The following ERCC6L2 variants were observed in gnomAD, a reference collection of about 807,000 sequenced individuals.
ERCC6L2 encodes ERCC excision repair 6 like 2, also known as DNA excision repair protein ERCC-6-like 2.
In ERCC6L2, 77 loss-of-function variants were observed where a neutral mutation model predicts 132.0. The observed-to-expected ratio is 0.58, with a 90% CI of 0.49 to 0.71. The LOEUF (loss-of-function observed/expected upper bound fraction) is 0.71. ERCC6L2 is among the 30% of genes least tolerant of loss of function. The probability of loss-of-function intolerance (pLI) is 0.00; values close to 1 mark genes in which losing one functional copy is unlikely to be tolerated. For missense variants in ERCC6L2, 1,542 were observed against 1,837.6 expected (o/e 0.84, Z 2.94); for synonymous variants, 583 against 632.4 (o/e 0.92, Z 1.17).
At chr9:95,962,285 TGGTTG>T (rs1228530474) in intron 13 of ERCC6L2, among the ~76,000 whole-genome samples, 109 of 152,266 alleles carry the variant, frequency 7.2e-4, no homozygotes, top group African/African-American at 2.6e-3. Flanking sequence ...TGTTCATTGT[TGGTTG>T]GGGCATTTGA....
intron 17 of ERCC6L2, among the ~76,000 whole-genome samples, chr9:95,994,616 T>G (rs1833412234): frequency 1.3e-5 from 2 of 152,138 alleles, no homozygotes; most frequent in Admixed American, 6.5e-5. Context: ...TGCACCATCC[T>G]CCCAAGCCTT....
In ERCC6L2 at chr9:95,966,568, C is replaced by G; in HGVS notation, c.1954C>G (p.His652Asp). ...YLRQIYKQQLHCVVVGSENAK... is the reference protein window; with the variant it reads ...YLRQIYKQQLDCVVVGSENAK... Reference sequence around the variant, plus strand: ...TGTGTTTTTTCTGTTTTAGCAACTTCACTGTGTGGTGGTTGGAAGTGAAAA... The same window carrying G: ...TGTGTTTTTTCTGTTTTAGCAACTTGACTGTGTGGTGGTTGGAAGTGAAAA... Residue 652 changes from histidine to aspartate, a missense_variant, in exon 14 of 19, where the codon CAC becomes GAC. Coordinates refer to ENST00000653738, the MANE Select transcript of ERCC6L2 (RefSeq NM_020207.7). 1 of 1,483,444 alleles carries G rather than the reference C, an allele frequency of 6.7e-7. No individual in the cohort carries two copies. The highest frequency in any genetic ancestry group is 9.1e-7 in the Non-Finnish European group (1 of 1,100,406). The allele number at this position is 1,483,444 out of a possible 1,614,324, so 91.9% of individuals were successfully genotyped here.
chr9:96,000,412 G>A (rs1364686544), intron 17 of ERCC6L2, among the ~76,000 whole-genome samples: 1 of 152,002 alleles, frequency 6.6e-6, no homozygotes, highest in Non-Finnish European at 1.5e-5. Flanking sequence ...AGAGGTAAAT[G>A]TCTTATACAA....
intron 4 of ERCC6L2, among the ~76,000 whole-genome samples, chr9:95,907,857 C>CACACACACAAA: frequency 7.5e-6 from 1 of 133,740 alleles, no homozygotes; most frequent in African/African-American, 2.8e-5. Flanking sequence ...ACACACACAC[C>CACACACACAAA]CCCACACCCA....
downstream of ERCC6L2, chr9:96,019,777 G>A (rs915055284): frequency 2.6e-5 from 4 of 152,210 alleles, no homozygotes; most frequent in Admixed American, 2.0e-4. Flanking sequence ...CTTATAGCTG[G>A]GGAGGCCTCA....
chr9:95,954,055 C>T (rs1831476169), intron 12 of ERCC6L2, among the ~76,000 whole-genome samples: 1 of 152,160 alleles, frequency 6.6e-6, no homozygotes, highest in African/African-American at 2.4e-5. Flanking sequence ...CTCAGAATAT[C>T]CATATGTGAT....
chr9:95,931,006 C>T (rs1320751761), intron 11 of ERCC6L2, among the ~76,000 whole-genome samples: 6 of 152,146 alleles, frequency 3.9e-5, no homozygotes, highest in African/African-American at 1.4e-4. Context: ...GGCAAAAAAG[C>T]GTTTACATTA....
chr9:96,039,259 G>A (rs1834551859), intron 20 of ERCC6L2, among the ~76,000 whole-genome samples: 1 of 152,228 alleles, frequency 6.6e-6, no homozygotes, highest in South Asian at 2.1e-4. Flanking sequence ...CCCAAGTGAA[G>A]GTTGGGCAGG....
chr9:95,995,052 A>G (rs1354452522), intron 17 of ERCC6L2, among the ~76,000 whole-genome samples: 1 of 152,224 alleles, frequency 6.6e-6, no homozygotes, highest in East Asian at 1.9e-4. Flanking sequence ...TAGATTCCAT[A>G]TGTAGCTGAG....
intron 13 of ERCC6L2, among the ~76,000 whole-genome samples, chr9:95,959,972 G>A (rs993061929): frequency 6.6e-6 from 1 of 152,050 alleles, no homozygotes; most frequent in African/African-American, 2.4e-5. Context: ...GGAGCCTTAG[G>A]GTAACTGTGG....
rs1176858262 is a variant in ERCC6L2, at chr9:95,972,743, G to A, written c.2992G>A (p.Ala998Thr). The A allele has an allele frequency of 1.5e-6, 2 of 1,303,110 alleles. No homozygotes were observed. Among genetic ancestry groups the A allele is most frequent in the Non-Finnish European group, 2.0e-6 (2 of 988,816 alleles). 80.7% of individuals were successfully genotyped at this position (1,303,110 alleles called of 1,614,324 possible). A position where few individuals can be genotyped will look rare whatever the true frequency, so the allele number is the denominator to read the frequency against. Residue 998 changes from alanine (A) to threonine (T), a missense_variant, in exon 16 of 19, where the codon GCT becomes ACT. This residue lies in a region of ERCC6L2 where 945 missense variants were observed against 1,105.2 expected (regional missense o/e 0.86). Transcript: ENST00000653738. ...TTCCAAGTCAAGAGTAAGAAAGAGA[G>A]CTAGTTCATTGAGGTTTAAGAGAAT... ...ISSKSRVRKR[A>T]SSLRFKRIKE... is the part of the protein sequence containing the mutation.
At chr9:95,887,072 C>T (rs1446980515) in intron 2 of ERCC6L2, among the ~76,000 whole-genome samples, 1 of 152,154 alleles carries the variant, frequency 6.6e-6, no homozygotes. Flanking sequence ...TTAATAAACT[C>T]CTCATATATC....
At chr9:95,922,585 C>G (rs953266309) in intron 8 of ERCC6L2, among the ~76,000 whole-genome samples, 167 bp downstream of exon 8, 1 of 152,094 alleles carries the variant, frequency 6.6e-6, no homozygotes, top group Non-Finnish European at 1.5e-5. Context: ...AGTTTTTAAT[C>G]AAAGTGAACA....
At chr9:95,920,462 C>G (rs1829809849) in intron 6 of ERCC6L2, among the ~76,000 whole-genome samples, 1 of 151,884 alleles carries the variant, frequency 6.6e-6, no homozygotes, top group Non-Finnish European at 1.5e-5. Flanking sequence ...ACTATTTATA[C>G]TGTTGTTAAG....
At position 96,016,671 on chromosome 9, in the gene ERCC6L2, G is replaced by T. The variant is rs1834190519; in HGVS notation, c.*3468G>T. 1.3e-5 allele frequency among the ~76,000 whole-genome samples: 2 copies of T among 152,144 alleles called. No individual in the cohort carries two copies. The highest frequency in any genetic ancestry group is 4.8e-5 in the African/African-American group (2 of 41,430). On this transcript the variant is annotated 3_prime_UTR_variant, in exon 19 of 19. Coordinates refer to ENST00000653738, the MANE Select transcript of ERCC6L2 (RefSeq NM_020207.7). The stretch of plus-strand genomic sequence containing the variant: ...ATGAGAAAGCCACAGGAAATACACG[G>T]TTATTTTCTAATTAAAGTTCAATGT...
chr9:96,007,126 G>T (rs1833887741), intron 18 of ERCC6L2, among the ~76,000 whole-genome samples: 1 of 152,238 alleles, frequency 6.6e-6, no homozygotes, highest in African/African-American at 2.4e-5. Flanking sequence ...TAGTGTAAAA[G>T]CACAAGAGTC....
downstream of ERCC6L2, among the ~76,000 whole-genome samples, chr9:96,019,203 A>G (rs955364954): frequency 6.6e-6 from 1 of 152,224 alleles, no homozygotes; most frequent in African/African-American, 2.4e-5. Context: ...CTGAACTGAA[A>G]GAAACTTCAA....
At chr9:95,942,344 A>G (rs1830845479) in intron 12 of ERCC6L2, among the ~76,000 whole-genome samples, 2 of 152,210 alleles carry the variant, frequency 1.3e-5, no homozygotes, top group African/African-American at 4.8e-5. Flanking sequence ...AATAAAATTA[A>G]CCTAGCAAGA....
intron 3 of ERCC6L2, among the ~76,000 whole-genome samples, chr9:95,898,487 C>T (rs1828584221): frequency 6.6e-6 from 1 of 152,104 alleles, no homozygotes; most frequent in Admixed American, 6.5e-5. Flanking sequence ...GCTTATTTCT[C>T]TTTCTGCCCA....
Sources: allele counts gnomAD v4.1 joint callset (sites outside exome capture counted in the v4.1 genomes callset), GRCh38; gene constraint gnomAD v4.1.1; regional missense constraint gnomAD v4.1.1; transcripts MANE v1.5; gene names NCBI Gene and HGNC (gene_info 2026-07-23, HGNC 2026-07-21).